GPHN: variants seen among roughly 807,000 people sequenced by gnomAD.
GPHN encodes gephyrin.
A neutral mutation model predicts 95.5 loss-of-function variants in GPHN; 17 were observed. The observed-to-expected ratio is 0.18, with a 90% CI of 0.12 to 0.27. The LOEUF is 0.27. GPHN is among the 10% of genes least tolerant of loss of function. GPHN has a pLI of 1.00. For missense variants in GPHN, 660 were observed against 978.1 expected, an observed-to-expected ratio of 0.67 and a Z score of 4.34; for synonymous variants, 320 against 322.5, an observed-to-expected ratio of 0.99 and a Z score of 0.08.
At chr14:66,874,672 A>G (rs540739871) in intron 4 of GPHN, among the ~76,000 whole-genome samples, 1 of 152,220 alleles carries the variant, frequency 6.6e-6, no homozygotes, top group African/African-American at 2.4e-5. Context: ...TTGAAGATCA[A>G]ATTAATGAAA....
At chr14:67,543,195 C>G in the GPHN span, among the ~76,000 whole-genome samples, 1 of 152,188 alleles carries the variant, frequency 6.6e-6, no homozygotes, top group Non-Finnish European at 1.5e-5. Flanking sequence ...TCACACCTCT[C>G]CAAAGAATGT....
At chr14:67,364,746 A>C in the GPHN span, 3 of 1,601,144 alleles carry the variant, frequency 1.9e-6, no homozygotes, top group Admixed American at 3.4e-5. Flanking sequence ...TACTTACTTA[A>C]TTCTTTTGTT....
the GPHN span, chr14:67,334,814 C>T: frequency 6.6e-6 from 1 of 152,236 alleles, no homozygotes; most frequent in African/African-American, 2.4e-5. Context: ...TTAGCACTTA[C>T]TTAATCTTTT....
At chr14:66,663,877 A>G (rs1475662608) in intron 1 of GPHN, among the ~76,000 whole-genome samples, 1 of 152,188 alleles carries the variant, frequency 6.6e-6, no homozygotes, top group Non-Finnish European at 1.5e-5. Context: ...CAATAAAGAC[A>G]AAGAAGAAGG....
At chr14:67,273,443 G>C in the GPHN span, among the ~76,000 whole-genome samples, 1 of 152,114 alleles carries the variant, frequency 6.6e-6, no homozygotes, top group Admixed American at 6.5e-5. Flanking sequence ...CCCTACAAAG[G>C]ACATGAACTC....
At chr14:67,138,909 T>G (rs1260709262) in intron 17 of GPHN, among the ~76,000 whole-genome samples, 3 of 145,162 alleles carry the variant, frequency 2.1e-5, no homozygotes, top group African/African-American at 7.7e-5. Flanking sequence ...TTTTTTTTTT[T>G]TTTTTTTAAA....
At chr14:67,552,557 G>A in the GPHN span, among the ~76,000 whole-genome samples, 2 of 152,162 alleles carry the variant, frequency 1.3e-5, no homozygotes, top group African/African-American at 2.4e-5. Flanking sequence ...CACGAGGTCA[G>A]GAGATCGAGA....
At chr14:66,631,472 C>A (rs1425293070) in intron 1 of GPHN, among the ~76,000 whole-genome samples, 1 of 152,140 alleles carries the variant, frequency 6.6e-6, no homozygotes, top group Non-Finnish European at 1.5e-5. Flanking sequence ...CTAGGTCTTT[C>A]TTTGCAAATA....
chr14:67,493,783 C>T, the GPHN span, among the ~76,000 whole-genome samples: 1 of 152,168 alleles, frequency 6.6e-6, no homozygotes, highest in Non-Finnish European at 1.5e-5. Context: ...ACAAAAGAGG[C>T]ATCCTTTTCT....
At chr14:66,777,235 A>G (rs376177314) in intron 3 of GPHN, among the ~76,000 whole-genome samples, 30 of 152,322 alleles carry the variant, frequency 2.0e-4, no homozygotes, top group Admixed American at 1.4e-3. Context: ...GAAATGGATA[A>G]ATTCCTCGAC....
chr14:67,095,186 A>AT (rs1299964732), intron 12 of GPHN, among the ~76,000 whole-genome samples: 6 of 152,122 alleles, frequency 3.9e-5, no homozygotes, highest in Admixed American at 3.9e-4. Context: ...TAGTTCACTA[A>AT]TTTTTTTATT....
At chr14:67,505,710 CTT>C in the GPHN span, among the ~76,000 whole-genome samples, 4 of 141,410 alleles carry the variant, frequency 2.8e-5, no homozygotes, top group African/African-American at 2.6e-5. Flanking sequence ...ATAATTTGCT[CTT>C]TTTTTTTTTT....
the GPHN span, chr14:67,473,854 C>T: frequency 6.2e-7 from 1 of 1,612,782 alleles, no homozygotes; most frequent in Non-Finnish European, 8.5e-7. The surrounding 1 kb of genome is among the most constrained non-coding windows in gnomAD (Gnocchi z 6.5). Context: ...AACATCACCT[C>T]GCAGAAGTAG....
At chr14:67,356,185 C>T in the GPHN span, among the ~76,000 whole-genome samples, 4 of 152,094 alleles carry the variant, frequency 2.6e-5, no homozygotes, top group South Asian at 2.1e-4. Flanking sequence ...TTTGGGAGGC[C>T]GAGGCAGGTG....
the GPHN span, among the ~76,000 whole-genome samples, chr14:67,290,073 C>G: frequency 6.6e-6 from 1 of 151,826 alleles, no homozygotes; most frequent in Admixed American, 6.5e-5. Flanking sequence ...TGCCTGGCCT[C>G]CCTGTCTTTT....
chr14:66,756,494 G>A (rs2058560246), intron 2 of GPHN, among the ~76,000 whole-genome samples: 1 of 151,800 alleles, frequency 6.6e-6, no homozygotes, highest in African/African-American at 2.4e-5. Context: ...TATCCACGGT[G>A]GTCCTGGAAC....
intron 1 of GPHN, among the ~76,000 whole-genome samples, chr14:66,526,734 CAT>C (rs1238740179): frequency 3.3e-5 from 5 of 152,130 alleles, no homozygotes; most frequent in Non-Finnish European, 7.4e-5. Flanking sequence ...CTGAGATAAT[CAT>C]GTGGTTTTTG....
intron 1 of GPHN, among the ~76,000 whole-genome samples, chr14:66,571,246 A>G (rs1232743478): frequency 6.6e-6 from 1 of 152,128 alleles, no homozygotes; most frequent in Admixed American, 6.5e-5. Context: ...TTAGAAAACC[A>G]TCAGGCCTTA....
chr14:67,630,642 C>T, the GPHN span, among the ~76,000 whole-genome samples: 1 of 152,122 alleles, frequency 6.6e-6, no homozygotes, highest in Non-Finnish European at 1.5e-5. Flanking sequence ...TGCAGTGGCG[C>T]GATCTTGGCT....
Sources: allele counts gnomAD v4.1 joint callset (sites outside exome capture counted in the v4.1 genomes callset), GRCh38; gene constraint gnomAD v4.1.1; non-coding constraint Gnocchi (gnomAD v3.1); transcripts MANE v1.5; gene names NCBI Gene and HGNC (gene_info 2026-07-23, HGNC 2026-07-21).